The following CUL1 variants were observed in gnomAD, a reference collection of about 807,000 sequenced individuals.
CUL1 encodes cullin 1.
A neutral mutation model predicts 118.0 loss-of-function variants in CUL1; 24 were observed. The observed-to-expected ratio is 0.20, with a 90% CI of 0.15 to 0.29. CUL1 has a LOEUF of 0.29. Ranked by LOEUF, CUL1 falls within the 10% of genes least tolerant of loss-of-function variation. The pLI, the probability that CUL1 is intolerant of heterozygous loss-of-function variation, is 1.00. For synonymous variants in CUL1, 332 were observed against 340.4 expected (o/e 0.98, Z 0.27); for missense variants, 361 against 933.8 (o/e 0.39, Z 7.99).
At position 148,792,707 on chromosome 7, in the gene CUL1, T is replaced by C. The variant is rs1363261284; in HGVS notation, c.1807-19T>C. ...ATGTAAATTTTCCTTCTTTTTCTTT[T>C]ATATGGGGGGCCGCAAAGGCGTCGA... On this transcript the variant is annotated intron_variant, in intron 16 of 21. Coordinates refer to ENST00000325222, the MANE Select transcript of CUL1 (RefSeq NM_003592.3). The C allele has an allele frequency of 6.3e-7, 1 of 1,594,880 alleles. No individual in the cohort carries two copies. The highest frequency in any genetic ancestry group is 8.6e-7 in the Non-Finnish European group (1 of 1,169,502).
chr7:148,706,897 T>C (rs1018414484), intron 1 of CUL1, among the ~76,000 whole-genome samples: 1 of 152,188 alleles, frequency 6.6e-6, no homozygotes, highest in Non-Finnish European at 1.5e-5. Flanking sequence ...TTCTGTGATA[T>C]GTAAGGTATG....
chr7:148,730,042 T>A lies in CUL1; in HGVS notation c.-81T>A, dbSNP rs1385170798. 6.8e-7 allele frequency: 1 copy of A among 1,476,504 alleles called. No individual in the cohort carries two copies. The highest frequency in any genetic ancestry group is 9.2e-7 in the Non-Finnish European group (1 of 1,088,112). The allele number at this position is 1,476,504 out of a possible 1,614,324, so 91.5% of individuals were successfully genotyped here. ...GCTGTGAATAAATTTGGAATGGTACTGTATATTTTCATCTAATGGAGAACT... is the reference window on the plus strand; with the variant it reads ...GCTGTGAATAAATTTGGAATGGTACAGTATATTTTCATCTAATGGAGAACT... On this transcript the variant is annotated 5_prime_UTR_variant, in exon 2 of 22. Coordinates refer to ENST00000325222, the MANE Select transcript of CUL1 (RefSeq NM_003592.3).
At chr7:148,765,487 G>A (rs894266253) in intron 7 of CUL1, among the ~76,000 whole-genome samples, 2 of 152,098 alleles carry the variant, frequency 1.3e-5, no homozygotes, top group African/African-American at 4.8e-5. Context: ...AAAGTTAGCC[G>A]GGTATGGCGG....
chr7:148,698,103 A>G (rs910953150), upstream of CUL1: 1 of 152,244 alleles, frequency 6.6e-6, no homozygotes, highest in African/African-American at 2.4e-5. Context: ...ACACGCAGAT[A>G]AGCTCGAGCT....
intron 7 of CUL1, among the ~76,000 whole-genome samples, chr7:148,762,772 T>C (rs908283205): frequency 6.6e-6 from 1 of 152,248 alleles, no homozygotes; most frequent in Non-Finnish European, 1.5e-5. Context: ...ACTGATGAAG[T>C]AGTAGTGCTC....
In CUL1 at chr7:148,800,626, C is replaced by T. The variant is rs770984171; in HGVS notation, c.*44C>T. On this transcript the variant is annotated 3_prime_UTR_variant, in exon 22 of 22. Transcript: ENST00000325222. This position sits in a 1 kb window ranked among gnomAD's most constrained non-coding sequence, Gnocchi z 4.6. ...ACTGTGTGACCCGCAGCAAATAGTT[C>T]ATGTTGGAAAGAATGAAAACAACTC... is the stretch of plus-strand genomic sequence containing the variant. The T allele has an allele frequency of 1.4e-6, 2 of 1,462,546 alleles. No individual in the cohort carries two copies. Among genetic ancestry groups the T allele is most frequent in the Non-Finnish European group, 1.9e-6 (2 of 1,049,780 alleles). The allele number at this position is 1,462,546 out of a possible 1,614,324, so 90.6% of individuals were successfully genotyped here.
intron 9 of CUL1, chr7:148,783,270 G>A: frequency 3.2e-6 from 3 of 945,592 alleles, no homozygotes; most frequent in African/African-American, 1.8e-5. Context: ...CTGCGATGAG[G>A]CCCTGGCCCC....
intron 1 of CUL1, among the ~76,000 whole-genome samples, chr7:148,725,648 C>T (rs1451740278): frequency 6.6e-6 from 1 of 152,200 alleles, no homozygotes; most frequent in African/African-American, 2.4e-5. Context: ...AGAGCCCTGC[C>T]TGGGACCTCC....
Position 148,793,270 on chromosome 7 carries a change from A to G in CUL1, c.1899+452A>G, listed in dbSNP as rs542622704. Among the ~76,000 whole-genome samples, 260 of 152,210 alleles carry G rather than the reference A, an allele frequency of 1.7e-3. 1 individual carries two copies. Among genetic ancestry groups the G allele is most frequent in the Admixed American group, 3.1e-3 (47 of 15,290 alleles). On this transcript the variant is annotated intron_variant, in intron 17 of 21. Transcript: ENST00000325222. The stretch of plus-strand genomic sequence containing the variant: ...AAGCTTAAATTTCCACTTTAGTATT[A>G]TTTTTCCTGCTAGCCATATTTTTTA...
intron 3 of CUL1, 49 bp from the exon 4 acceptor site, chr7:148,756,934 A>G (rs1799678549): frequency 7.5e-7 from 1 of 1,325,208 alleles, no homozygotes; most frequent in South Asian, 1.6e-5. Flanking sequence ...TTTTTAATTT[A>G]TAATGTGACA....
rs1800795829 is a variant in CUL1 at position 148,785,752 on chromosome 7, G to A, written c.1299-799G>A. Among the ~76,000 whole-genome samples, 3 of 152,090 alleles carry A rather than the reference G, an allele frequency of 2.0e-5. 1 individual carries two copies. In the South Asian group the frequency reaches 6.2e-4, roughly 32 times the overall value. On this transcript the variant is annotated intron_variant, in intron 11 of 21. Transcript: ENST00000325222. ...TAAGGCCACTGATGCAGACAGAATGGCAGAGACATTTCCACAGCACCTCTT... is the reference window on the plus strand; with the variant it reads ...TAAGGCCACTGATGCAGACAGAATGACAGAGACATTTCCACAGCACCTCTT...
intron 1 of CUL1, among the ~76,000 whole-genome samples, chr7:148,712,948 C>T (rs1201140556): frequency 6.6e-6 from 1 of 152,048 alleles, no homozygotes; most frequent in Non-Finnish European, 1.5e-5. Context: ...CCCACACAGA[C>T]ATAACTGGGA....
chr7:148,800,513 C>T lies in CUL1; in HGVS notation c.2262C>T (p.Asp754=), dbSNP rs1437552952. 1 of 1,613,138 alleles carries T rather than the reference C, an allele frequency of 6.2e-7. No individual in the cohort carries two copies. The highest frequency in any genetic ancestry group is 8.5e-7 in the Non-Finnish European group (1 of 1,179,130). ...PRVPVIKKCI[D]ILIEKEYLER... ...AAAATAACACCCAGAAATGCATTGA[C>T]ATTCTAATTGAGAAAGAATATTTGG... Residue 754 remains aspartate, a synonymous_variant, in exon 22 of 22, where the codon GAC becomes GAT. Transcript: ENST00000325222. The surrounding 1 kb of genome is among the most constrained non-coding windows in gnomAD (Gnocchi z 4.6).
intron 2 of CUL1, among the ~76,000 whole-genome samples, chr7:148,740,410 C>T (rs183991751): frequency 1.3e-5 from 2 of 152,100 alleles, no homozygotes; most frequent in Admixed American, 6.6e-5. Flanking sequence ...TTAAAGTGTA[C>T]GTTTCAATAG....
rs1797887158 is a variant in CUL1 at position 148,706,467 on chromosome 7, A to G, written c.-162+7438A>G. On this transcript the variant is annotated intron_variant, in intron 1 of 21. Transcript: ENST00000325222. ...CAATCATAAAGTAGAGACTACTGAA[A>G]TGAGAGGGTCTCCTATTTGATGTGT... Among the ~76,000 whole-genome samples, 5 of 152,164 alleles carry G rather than the reference A, an allele frequency of 3.3e-5. No individual in the cohort carries two copies. In the South Asian group the frequency reaches 1.0e-3, roughly 32 times the overall value.
Position 148,753,678 on chromosome 7 carries a change from A to G in CUL1, c.141-298A>G, listed in dbSNP as rs558975507. On this transcript the variant is annotated intron_variant, in intron 2 of 21. Coordinates refer to ENST00000325222, the MANE Select transcript of CUL1 (RefSeq NM_003592.3). ...TTTTGGGACAGTTTTCCACAAGGTC[A>G]GTCACATCAGATAATCTAAAAGGTC... is the stretch of plus-strand genomic sequence containing the variant. Among the ~76,000 whole-genome samples, 3 of 152,368 alleles carry G rather than the reference A, an allele frequency of 2.0e-5. 1 individual carries two copies. The South Asian group carries it at 6.2e-4, about 32-fold the overall frequency.
chr7:148,729,894 G>T (rs1798701158), intron 1 of CUL1, 68 bp from the exon 2 acceptor site: 2 of 449,446 alleles, frequency 4.4e-6, no homozygotes, highest in Non-Finnish European at 7.7e-6. Flanking sequence ...GAGTTTTTCT[G>T]TCAGTGTGTC....
rs139770886 is a variant in CUL1, at chr7:148,795,123, G to A, written c.1899+2305G>A. Among the ~76,000 whole-genome samples the A allele has an allele frequency of 3.5e-3, 533 of 151,422 alleles. 1 individual carries two copies. Among genetic ancestry groups the A allele is most frequent in the African/African-American group, 0.012 (504 of 41,260 alleles). Reference sequence around the variant, plus strand: ...GCTGGGATTATAGGCGTGAGCCACCGTGCCTGGCAGAGTTGTTTTCTTAAT... The same window carrying A: ...GCTGGGATTATAGGCGTGAGCCACCATGCCTGGCAGAGTTGTTTTCTTAAT... On this transcript the variant is annotated intron_variant, in intron 17 of 21. Transcript: ENST00000325222.
At chr7:148,747,203 G>GT (rs902103019) in intron 2 of CUL1, among the ~76,000 whole-genome samples, 3 of 152,090 alleles carry the variant, frequency 2.0e-5, no homozygotes, top group Admixed American at 6.5e-5. Flanking sequence ...CATTGGGTTT[G>GT]TTTTTTTAAA....
Sources: gnomAD v4.1 joint callset for allele counts (sites outside exome capture counted in the v4.1 genomes callset) on GRCh38, gnomAD v4.1.1 for gene constraint, Gnocchi (gnomAD v3.1) non-coding constraint, MANE v1.5 for transcripts, NCBI Gene and HGNC (gene_info 2026-07-23, HGNC 2026-07-21) for gene names.